Variants in GREB1L observed in about 807,000 individuals in gnomAD.
GREB1L encodes GREB1-like protein.
Under a neutral mutation model 200.8 loss-of-function variants are expected in GREB1L, and 17 were observed. That is an observed-to-expected ratio of 0.08 (90% CI 0.06 to 0.13). The LOEUF is 0.13. Among genes scored for constraint, GREB1L ranks in the 10% least tolerant of loss-of-function variants. GREB1L has a pLI of 1.00. For synonymous variants in GREB1L, 789 were observed against 893.0 expected (o/e 0.88, Z 2.08); for missense variants, 1,657 against 2,367.7 (o/e 0.70, Z 6.23).
intron 7 of GREB1L, among the ~76,000 whole-genome samples, chr18:21,426,232 AT>A (rs977448782): frequency 8.6e-5 from 13 of 151,540 alleles, no homozygotes; most frequent in African/African-American, 3.2e-4. Flanking sequence ...AATTTTTTGT[AT>A]TTTTGGTACA....
intron 1 of GREB1L, among the ~76,000 whole-genome samples, chr18:21,250,448 A>G (rs2037684704): frequency 6.6e-6 from 1 of 152,174 alleles, no homozygotes. Context: ...GTTCTGCCAT[A>G]GTCTGAGGAT....
chr18:21,394,940 A>AAG (rs1377541531), intron 4 of GREB1L, among the ~76,000 whole-genome samples: 1 of 149,456 alleles, frequency 6.7e-6, no homozygotes, highest in Non-Finnish European at 1.5e-5. Context: ...CTAAAAAAAA[A>AAG]AAAAAAAAAA....
chr18:21,292,679 C>T (rs2038469606), intron 1 of GREB1L, among the ~76,000 whole-genome samples: 1 of 152,184 alleles, frequency 6.6e-6, no homozygotes, highest in Non-Finnish European at 1.5e-5. Context: ...AAGCATGTAT[C>T]AGTACTTCAC....
At chr18:21,518,724 C>T (rs1012019068) in intron 31 of GREB1L, among the ~76,000 whole-genome samples, 12 of 152,156 alleles carry the variant, frequency 7.9e-5, no homozygotes, top group African/African-American at 2.7e-4. Context: ...ATGTGTATCA[C>T]CTGAAGCCTT....
chr18:21,296,615 A>G (rs2038530725), intron 1 of GREB1L, among the ~76,000 whole-genome samples: 1 of 152,120 alleles, frequency 6.6e-6, no homozygotes, highest in African/African-American at 2.4e-5. Flanking sequence ...ATAAATGAAA[A>G]AAATACAACA....
chr18:21,357,628 C>T (rs1359632550), intron 1 of GREB1L, among the ~76,000 whole-genome samples: 1 of 152,112 alleles, frequency 6.6e-6, no homozygotes, highest in Non-Finnish European at 1.5e-5. Context: ...ATATTTAAGT[C>T]TATTTTGAGT....
At chr18:21,513,672 CCACTG>C (rs2037319283) in intron 27 of GREB1L, 144 bp from the exon 28 acceptor site, 2 of 658,668 alleles carry the variant, frequency 3.0e-6, no homozygotes, top group East Asian at 2.7e-5. Context: ...GGTTTGAGAG[CCACTG>C]CTCTGAACAT....
At chr18:21,330,286 T>G (rs1368921954) in intron 1 of GREB1L, among the ~76,000 whole-genome samples, 1 of 152,104 alleles carries the variant, frequency 6.6e-6, no homozygotes, top group East Asian at 1.9e-4. Context: ...TAAACAAATA[T>G]TTTCACAGGG....
intron 1 of GREB1L, among the ~76,000 whole-genome samples, 191 bp downstream of exon 1, chr18:21,242,584 G>A (rs1267326074): frequency 6.6e-6 from 1 of 152,126 alleles, no homozygotes; most frequent in Non-Finnish European, 1.5e-5. Context: ...AGCGCGTGCG[G>A]GTGGCGAGGG....
rs531016890 is a variant in GREB1L at position 21,457,992 on chromosome 18, G to A, written c.2182+3429G>A. ...TTTTTTTTTTTTTTTTTTTGAGGCC[G>A]AGTTTTGCTCTTGTTGTACAGGCTG... On this transcript the variant is annotated intron_variant, in intron 15 of 32. Coordinates refer to ENST00000424526, the MANE Select transcript of GREB1L (RefSeq NM_001142966.3). Among the ~76,000 whole-genome samples, 13 of 126,812 alleles carry A rather than the reference G, an allele frequency of 1.0e-4. No individual in the cohort carries two copies. In the Admixed American group the frequency reaches 1.2e-3, roughly 12 times the overall value. The allele number at this position is 126,812 out of a possible 152,430, so 83.2% of individuals were successfully genotyped here. A position where few individuals can be genotyped will look rare whatever the true frequency, so the allele number is the denominator to read the frequency against.
intron 15 of GREB1L, among the ~76,000 whole-genome samples, chr18:21,460,402 A>T (rs566404798): frequency 6.6e-6 from 1 of 151,966 alleles, no homozygotes; most frequent in Admixed American, 6.6e-5. Flanking sequence ...TTGGAGTGCA[A>T]TGGCACAGAC....
chr18:21,466,188 C>T (rs530519462), intron 15 of GREB1L, among the ~76,000 whole-genome samples: 6 of 152,038 alleles, frequency 3.9e-5, no homozygotes, highest in Non-Finnish European at 7.4e-5. Context: ...TTTTAAAAAG[C>T]ACAATTCTAC....
At chr18:21,334,347 A>T (rs1205468107) in intron 1 of GREB1L, among the ~76,000 whole-genome samples, 1 of 152,166 alleles carries the variant, frequency 6.6e-6, no homozygotes, top group Non-Finnish European at 1.5e-5. Context: ...AAACTTTATT[A>T]TCAGTTCCAT....
At chr18:21,388,464 T>C (rs1224028796) in intron 4 of GREB1L, among the ~76,000 whole-genome samples, 1 of 151,602 alleles carries the variant, frequency 6.6e-6, no homozygotes, top group East Asian at 1.9e-4. Flanking sequence ...TTTCCTAATA[T>C]CCTTTTCCTG....
At chr18:21,308,945 C>A (rs1457061756) in intron 1 of GREB1L, among the ~76,000 whole-genome samples, 1 of 152,202 alleles carries the variant, frequency 6.6e-6, no homozygotes, top group African/African-American at 2.4e-5. Flanking sequence ...GATTCTCAAG[C>A]GTGACCATTT....
intron 1 of GREB1L, among the ~76,000 whole-genome samples, chr18:21,326,263 A>AT (rs1295789090): frequency 1.3e-5 from 2 of 152,196 alleles, no homozygotes; most frequent in Non-Finnish European, 2.9e-5. Context: ...ACAAAAAAAA[A>AT]GTTCATATAG....
At chr18:21,249,297 G>A (rs2037660267) in intron 1 of GREB1L, among the ~76,000 whole-genome samples, 5 of 152,058 alleles carry the variant, frequency 3.3e-5, no homozygotes, top group Admixed American at 2.6e-4. Context: ...CATGAGCAGA[G>A]GCACTTGAGA....
chr18:21,261,189 C>G (rs932091370), intron 1 of GREB1L, among the ~76,000 whole-genome samples: 4 of 151,840 alleles, frequency 2.6e-5, no homozygotes, highest in African/African-American at 9.7e-5. Flanking sequence ...TATATTTTTC[C>G]AACACACAGT....
chr18:21,441,862 A>T (rs534618868), intron 10 of GREB1L, among the ~76,000 whole-genome samples: 1 of 152,316 alleles, frequency 6.6e-6, no homozygotes, highest in South Asian at 2.1e-4. Context: ...GTTCACAACC[A>T]GGAGCAACCA....
Sources: allele counts gnomAD v4.1 joint callset (sites outside exome capture counted in the v4.1 genomes callset), GRCh38; gene constraint gnomAD v4.1.1; transcripts MANE v1.5; gene names NCBI Gene and HGNC (gene_info 2026-07-23, HGNC 2026-07-21).